The following ADK variants were observed in gnomAD, a reference collection of about 807,000 sequenced individuals.
The protein encoded by ADK is adenosine kinase.
ADK carries 24 observed loss-of-function variants against 44.7 expected under a neutral mutation model. That is an observed-to-expected ratio of 0.54 (90% CI 0.39 to 0.76). The LOEUF (loss-of-function observed/expected upper bound fraction) is 0.76. ADK is among the 30% of genes least tolerant of loss of function. The pLI, the probability that ADK is intolerant of heterozygous loss-of-function variation, is 0.00. For missense variants in ADK, 321 were observed against 425.1 expected (o/e 0.76, Z 2.15); for synonymous variants, 128 against 142.6 (o/e 0.90, Z 0.73).
intron 4 of ADK, among the ~76,000 whole-genome samples, chr10:74,362,672 C>T (rs1842371534): frequency 6.6e-6 from 1 of 152,188 alleles, no homozygotes; most frequent in African/African-American, 2.4e-5. Flanking sequence ...CCCAGCCTGG[C>T]TTTGTTTGTG....
At chr10:74,180,527 C>T (rs1337090968) in intron 1 of ADK, among the ~76,000 whole-genome samples, 3 of 148,550 alleles carry the variant, frequency 2.0e-5, no homozygotes, top group Admixed American at 6.7e-5. Flanking sequence ...TGGTGCGATC[C>T]GGCTCACTTG....
intron 4 of ADK, among the ~76,000 whole-genome samples, chr10:74,384,297 C>CAGCAAATTACCTTTA (rs1164966341): frequency 6.6e-6 from 1 of 152,120 alleles, no homozygotes; most frequent in Non-Finnish European, 1.5e-5. Flanking sequence ...GCCAAGAAAA[C>CAGCAAATTACCTTTA]AGTCTTGAAC....
chr10:74,326,891 C>T (rs575076091), intron 4 of ADK, among the ~76,000 whole-genome samples: 2 of 151,806 alleles, frequency 1.3e-5, no homozygotes, highest in African/African-American at 4.8e-5. Context: ...GTAGTGTCTC[C>T]TTTTTTGTTT....
intron 6 of ADK, among the ~76,000 whole-genome samples, chr10:74,405,940 C>T (rs1843907507): frequency 6.6e-6 from 1 of 152,088 alleles, no homozygotes. Flanking sequence ...TACAGAATTC[C>T]AGGTTTCTCT....
At position 74,162,918 on chromosome 10, in the gene ADK, G is replaced by T. The variant is rs142584049; in HGVS notation, c.65+11575G>T. ...TAGCCATTTATTATATTTGTCTATG[G>T]GGAAAAATTCCCTCAGAATAAATAC... On this transcript the variant is annotated intron_variant, in intron 1 of 10. Coordinates refer to ENST00000539909, the MANE Select transcript of ADK (RefSeq NM_006721.4). Among the ~76,000 whole-genome samples the T allele has an allele frequency of 8.9e-3, 1,350 of 152,044 alleles. 14 individuals are homozygous for T. Among genetic ancestry groups the T allele is most frequent in the Non-Finnish European group, 0.014 (957 of 67,970 alleles).
At chr10:74,495,476 A>G (rs548469369) in intron 6 of ADK, among the ~76,000 whole-genome samples, 2 of 152,304 alleles carry the variant, frequency 1.3e-5, no homozygotes, top group Non-Finnish European at 2.9e-5. Flanking sequence ...GAAGTAATTT[A>G]CATGCACCTT....
chr10:74,535,378 G>A (rs148366408), intron 7 of ADK, among the ~76,000 whole-genome samples: 139 of 152,146 alleles, frequency 9.1e-4, no homozygotes, highest in African/African-American at 3.3e-3. Flanking sequence ...TGGGAGGATC[G>A]CTTGCACCTG....
chr10:74,341,524 T>G (rs1473923880), intron 4 of ADK, among the ~76,000 whole-genome samples: 2 of 143,288 alleles, frequency 1.4e-5, no homozygotes, highest in Non-Finnish European at 3.0e-5. Flanking sequence ...CGAGACTCCG[T>G]CTCAAAAAAA....
intron 6 of ADK, among the ~76,000 whole-genome samples, chr10:74,400,418 A>T (rs1362862676): frequency 6.6e-6 from 1 of 152,214 alleles, no homozygotes; most frequent in Non-Finnish European, 1.5e-5. Context: ...CATTCAACAA[A>T]TATTTACTTG....
chr10:74,660,635 T>C (rs536597038), intron 9 of ADK, among the ~76,000 whole-genome samples: 2 of 144,150 alleles, frequency 1.4e-5, no homozygotes, highest in South Asian at 4.3e-4. Flanking sequence ...GAGTCTGAGA[T>C]AGGAGGATCA....
At chr10:74,267,754 T>TTGTGTGTGTG (rs372502769) in intron 3 of ADK, among the ~76,000 whole-genome samples, 4,345 of 132,678 alleles carry the variant, frequency 0.033, 110 homozygotes, top group Admixed American at 0.068. Flanking sequence ...ATATCCTTAT[T>TTGTGTGTGTG]TGTGTGTGTG....
intron 9 of ADK, among the ~76,000 whole-genome samples, chr10:74,633,545 A>G (rs1853513766): frequency 6.6e-6 from 1 of 152,236 alleles, no homozygotes; most frequent in South Asian, 2.1e-4. Flanking sequence ...ACTCAACTCA[A>G]CAATATCAAT....
At chr10:74,588,366 A>G (rs1044052278) in intron 7 of ADK, among the ~76,000 whole-genome samples, 3 of 152,134 alleles carry the variant, frequency 2.0e-5, no homozygotes, top group Non-Finnish European at 4.4e-5. Flanking sequence ...AGGTTTATAC[A>G]TTGTTCTTGG....
At chr10:74,284,555 C>T (rs747577030) in intron 3 of ADK, among the ~76,000 whole-genome samples, 3 of 152,248 alleles carry the variant, frequency 2.0e-5, no homozygotes, top group Non-Finnish European at 2.9e-5. Flanking sequence ...TGAGCCACTG[C>T]TCCCAGCCCT....
At chr10:74,176,480 C>T in intron 1 of ADK, 1 of 1,149,974 alleles carries the variant, frequency 8.7e-7, no homozygotes, top group Non-Finnish European at 1.1e-6. Context: ...AAACCGGTTG[C>T]CAGAGGCGCG....
chr10:74,699,989 G>A (rs1856356496), intron 10 of ADK, among the ~76,000 whole-genome samples: 2 of 152,114 alleles, frequency 1.3e-5, no homozygotes, highest in African/African-American at 4.8e-5. Flanking sequence ...AACTATGTAT[G>A]CATATAGTTA....
At chr10:74,464,809 C>G (rs1006274319) in intron 6 of ADK, among the ~76,000 whole-genome samples, 1 of 151,768 alleles carries the variant, frequency 6.6e-6, no homozygotes, top group African/African-American at 2.4e-5. Flanking sequence ...GATCATGCCA[C>G]TGCACTGCAG....
At chr10:74,195,703 C>CTT (rs1162827373) in intron 1 of ADK, among the ~76,000 whole-genome samples, 7 of 105,968 alleles carry the variant, frequency 6.6e-5, no homozygotes, top group Non-Finnish European at 1.1e-4. Context: ...TTTTTCTTTT[C>CTT]TTTCTTTTTT....
intron 4 of ADK, among the ~76,000 whole-genome samples, chr10:74,387,373 C>T (rs1163425383): frequency 3.3e-5 from 5 of 152,050 alleles, no homozygotes. Context: ...CAGTCTGATT[C>T]CAAGATTTGA....
Sources: allele counts gnomAD v4.1 joint callset (sites outside exome capture counted in the v4.1 genomes callset), GRCh38; gene constraint gnomAD v4.1.1; transcripts MANE v1.5; gene names NCBI Gene and HGNC (gene_info 2026-07-23, HGNC 2026-07-21).